The following MGRN1 variants were observed in gnomAD, a reference collection of about 807,000 sequenced individuals.
The protein encoded by MGRN1 is mahogunin ring finger 1, also known as E3 ubiquitin-protein ligase MGRN1.
MGRN1 carries 29 observed loss-of-function variants against 69.2 expected under a neutral mutation model. The observed-to-expected ratio is 0.42, with a 90% CI of 0.31 to 0.57. The LOEUF is 0.57. Among genes scored for constraint, MGRN1 ranks in the 20% least tolerant of loss-of-function variants. The probability of loss-of-function intolerance (pLI) is 0.15; values close to 1 mark genes in which losing one functional copy is unlikely to be tolerated. For synonymous variants in MGRN1, 470 were observed against 344.2 expected, an observed-to-expected ratio of 1.37 and a Z score of -4.04; for missense variants, 998 against 796.2, an observed-to-expected ratio of 1.25 and a Z score of -3.05.
chr16:4,683,044 C>A, intron 14 of MGRN1, 98 bp downstream of exon 14: 1 of 1,469,976 alleles, frequency 6.8e-7, no homozygotes, highest in Non-Finnish European at 9.1e-7. Flanking sequence ...CCCGCCTGGG[C>A]GCCCCCGTGC....
chr16:4,683,317 G>A (rs746644478), intron 15 of MGRN1, 48 bp downstream of exon 15: 2 of 1,606,758 alleles, frequency 1.2e-6, no homozygotes, highest in Admixed American at 3.3e-5. Context: ...GGACCAGGCA[G>A]CCCTGGCTTA....
At chr16:4,655,945 G>A (rs114584619) in intron 4 of MGRN1, among the ~76,000 whole-genome samples, 5,686 of 152,312 alleles carry the variant, frequency 0.037, 356 homozygotes, top group African/African-American at 0.13. Flanking sequence ...GGCTGAGCCC[G>A]GGCCTCCCCT....
intron 15 of MGRN1, 97 bp downstream of exon 15, chr16:4,683,366 C>T (rs2079232873): frequency 1.9e-5 from 27 of 1,422,180 alleles, no homozygotes; most frequent in Non-Finnish European, 2.6e-5. Flanking sequence ...GGGCCAGCAC[C>T]TCTTCTGCCC....
chr16:4,645,208 TG>T (rs1462885038), intron 1 of MGRN1, among the ~76,000 whole-genome samples: 5 of 151,990 alleles, frequency 3.3e-5, no homozygotes, highest in Non-Finnish European at 5.9e-5. Flanking sequence ...TTGCCCAGGC[TG>T]GAGTGCAGTG....
chr16:4,633,420 C>T (rs750306000), intron 1 of MGRN1, among the ~76,000 whole-genome samples: 16 of 138,478 alleles, frequency 1.2e-4, no homozygotes, highest in South Asian at 2.4e-4. Flanking sequence ...GGCTGGGTGC[C>T]GTGGCTCACA....
chr16:4,638,290 C>G (rs960111927), intron 1 of MGRN1, among the ~76,000 whole-genome samples: 2 of 152,010 alleles, frequency 1.3e-5, no homozygotes, highest in Non-Finnish European at 2.9e-5. Flanking sequence ...CATGGTGAAA[C>G]TCCGTCTCTA....
At chr16:4,686,203 G>A (rs1484066203) in intron 16 of MGRN1, 1 of 1,533,642 alleles carries the variant, frequency 6.5e-7, no homozygotes, top group Admixed American at 2.0e-5. Flanking sequence ...TGGCTGTGCT[G>A]GCTGCTGCGC....
intron 4 of MGRN1, among the ~76,000 whole-genome samples, chr16:4,654,048 G>A (rs1412862178): frequency 3.9e-5 from 6 of 152,184 alleles, no homozygotes; most frequent in South Asian, 4.1e-4. Flanking sequence ...CCCCATGCCC[G>A]GCCCACCTGG....
At chr16:4,643,294 C>T (rs1009600500) in intron 1 of MGRN1, among the ~76,000 whole-genome samples, 1 of 151,968 alleles carries the variant, frequency 6.6e-6, no homozygotes, top group Admixed American at 6.6e-5. Context: ...TGGGGTTTTG[C>T]CATGTTGTCC....
intron 5 of MGRN1, among the ~76,000 whole-genome samples, chr16:4,661,004 C>T (rs1044690343): frequency 6.6e-6 from 1 of 152,100 alleles, no homozygotes; most frequent in African/African-American, 2.4e-5. Flanking sequence ...TTTTTTGAGA[C>T]AGGGGCTCAC....
At chr16:4,663,809 G>C (rs1003959893) in intron 5 of MGRN1, among the ~76,000 whole-genome samples, 2 of 152,238 alleles carry the variant, frequency 1.3e-5, no homozygotes, top group Admixed American at 1.3e-4. Context: ...ATGGCACTGT[G>C]CTGGGCTGAC....
intron 12 of MGRN1, 49 bp from the exon 13 acceptor site, chr16:4,681,501 A>T (rs1284420631): frequency 5.8e-6 from 9 of 1,542,288 alleles, no homozygotes; most frequent in Non-Finnish European, 8.0e-6. Flanking sequence ...GCGTCTGGGG[A>T]GCAGGTGGTC....
intron 9 of MGRN1, among the ~76,000 whole-genome samples, chr16:4,671,936 C>T (rs1050126511): frequency 1.3e-5 from 2 of 152,212 alleles, no homozygotes; most frequent in African/African-American, 2.4e-5. Context: ...GAGTCAGTCT[C>T]ACTCTGCTGC....
intron 1 of MGRN1, among the ~76,000 whole-genome samples, chr16:4,631,496 T>C (rs965002509): frequency 6.6e-6 from 1 of 152,234 alleles, no homozygotes; most frequent in African/African-American, 2.4e-5. Context: ...TTGTCACAGC[T>C]GGGGGCATCT....
intron 7 of MGRN1, among the ~76,000 whole-genome samples, chr16:4,666,632 C>T (rs1163108272): frequency 6.6e-6 from 1 of 152,202 alleles, no homozygotes; most frequent in South Asian, 2.1e-4. Context: ...TAGCTTTTTC[C>T]TACCAGGCTC....
chr16:4,645,061 G>A (rs2078244966), intron 1 of MGRN1, among the ~76,000 whole-genome samples: 1 of 149,958 alleles, frequency 6.7e-6, no homozygotes, highest in Non-Finnish European at 1.5e-5. Context: ...TACCTATGCA[G>A]GTGTTTTAGT....
chr16:4,671,517 C>T (rs915837704), intron 9 of MGRN1, 58 bp downstream of exon 9: 48 of 1,527,190 alleles, frequency 3.1e-5, no homozygotes, highest in Middle Eastern at 1.7e-4. Flanking sequence ...CAGGAGCAGC[C>T]GCGGACAGCA....
chr16:4,640,476 G>C (rs559128289), intron 1 of MGRN1: 84 of 152,418 alleles, frequency 5.5e-4, no homozygotes, highest in African/African-American at 2.0e-3. Context: ...AAGCCACCCA[G>C]AGTCCGAATC....
chr16:4,657,176 A>G, intron 4 of MGRN1, 70 bp from the exon 5 acceptor site: 4 of 1,416,174 alleles, frequency 2.8e-6, no homozygotes, highest in Non-Finnish European at 4.0e-6. Flanking sequence ...CAGCTGTCGG[A>G]GTGGGAGGGA....
Sources: allele counts gnomAD v4.1 joint callset (sites outside exome capture counted in the v4.1 genomes callset), GRCh38; gene constraint gnomAD v4.1.1; transcripts MANE v1.5; gene names NCBI Gene and HGNC (gene_info 2026-07-23, HGNC 2026-07-21).